STRA8: variants seen among roughly 807,000 people sequenced by gnomAD.
The protein encoded by STRA8 is stimulated by retinoic acid gene 8 protein homolog.
In STRA8, 18 loss-of-function variants were observed where a neutral mutation model predicts 37.1. That is an observed-to-expected ratio of 0.48 (90% CI 0.34 to 0.72). STRA8 has a LOEUF of 0.72. Ranked by LOEUF, STRA8 falls within the 30% of genes least tolerant of loss-of-function variation. STRA8 has a pLI of 0.01. For synonymous variants in STRA8, 168 were observed against 162.9 expected, an observed-to-expected ratio of 1.03 and a Z score of -0.24; for missense variants, 357 against 410.4, an observed-to-expected ratio of 0.87 and a Z score of 1.13.
chr7:135,246,137 C>T lies in STRA8; in HGVS notation c.594-280C>T, dbSNP rs1585474602. On this transcript the variant is annotated intron_variant, in intron 5 of 8. Coordinates refer to ENST00000662584, the MANE Select transcript of STRA8 (RefSeq NM_001394401.1). The surrounding 1 kb of genome is among the most constrained non-coding windows in gnomAD (Gnocchi z 5.4). The stretch of plus-strand genomic sequence containing the variant: ...CTTAGGATGAGAGCTGAGGCAGCTA[C>T]GCCTCTTATCTGCTTCTGTCTAACA... 2 of 500,360 alleles carry T rather than the reference C, an allele frequency of 4.0e-6. No homozygotes were observed. The highest frequency in any genetic ancestry group is 3.6e-6 in the Non-Finnish European group (1 of 279,302). 31.0% of individuals were successfully genotyped at this position (500,360 alleles called of 1,614,324 possible).
At chr7:135,232,717 A>ACG (rs1832311620), upstream of STRA8, among the ~76,000 whole-genome samples, 1 of 152,164 alleles carries the variant, frequency 6.6e-6, no homozygotes, top group African/African-American at 2.4e-5. Context: ...TATGTGGGAC[A>ACG]TCATCTCACT....
intron 7 of STRA8, 25 bp downstream of exon 7, chr7:135,251,894 A>T: frequency 6.2e-7 from 1 of 1,610,554 alleles, no homozygotes; most frequent in Non-Finnish European, 8.5e-7. Flanking sequence ...GTGAGATAGC[A>T]TGTGCCCCTG....
intron 7 of STRA8, among the ~76,000 whole-genome samples, chr7:135,253,502 C>G (rs1193933981): frequency 6.6e-6 from 1 of 152,094 alleles, no homozygotes; most frequent in East Asian, 1.9e-4. Context: ...AGGCATGGGC[C>G]CTGAGTTTAG....
chr7:135,245,583 G>A (rs1451510943), intron 5 of STRA8, among the ~76,000 whole-genome samples, 56 bp downstream of exon 5: 2 of 152,212 alleles, frequency 1.3e-5, no homozygotes, highest in Admixed American at 1.3e-4. Flanking sequence ...CTCCCATGGG[G>A]AAGGGGACAG....
chr7:135,258,566 G>T lies in STRA8; in HGVS notation c.*74G>T. ...CCAAGGTTGAATGCTGGCAGCTAAG[G>T]TTGCACCTGCCTTGGCCTCCAGGAC... On this transcript the variant is annotated 3_prime_UTR_variant, in exon 9 of 9. Coordinates refer to ENST00000662584, the MANE Select transcript of STRA8 (RefSeq NM_001394401.1). 1.5e-6 allele frequency: 2 copies of T among 1,326,956 alleles called. No individual in the cohort carries two copies. Among genetic ancestry groups the T allele is most frequent in the Non-Finnish European group, 2.1e-6 (2 of 948,436 alleles). The allele number at this position is 1,326,956 out of a possible 1,614,324, so 82.2% of individuals were successfully genotyped here.
intron 2 of STRA8, among the ~76,000 whole-genome samples, chr7:135,242,197 GGGGA>G (rs1039774831): frequency 9.9e-5 from 12 of 121,694 alleles, no homozygotes; most frequent in Admixed American, 6.4e-4. Flanking sequence ...AGGAAGGAAG[GGGGA>G]GGGAGGGAGG....
At chr7:135,236,231 G>C (rs1318150891) in intron 1 of STRA8, among the ~76,000 whole-genome samples, 1 of 151,642 alleles carries the variant, frequency 6.6e-6, no homozygotes, top group Non-Finnish European at 1.5e-5. Flanking sequence ...GACCAGCCTG[G>C]GCAACATAGT....
In STRA8 at chr7:135,240,659, G is replaced by T. The variant is rs7805859; in HGVS notation, c.135G>T (p.Ala45=). 2.5e-6 allele frequency: 4 copies of T among 1,613,822 alleles called. No homozygotes were observed. Among genetic ancestry groups the T allele is most frequent in the Middle Eastern group, 1.6e-4 (1 of 6,062 alleles). ...SQARHRATLA[A]LFNNLRKTVY... Reference sequence around the variant, plus strand: ...CCCGCCACCGAGCCACCCTGGCAGCGCTCTTCAACAACCTCAGGAAGACAG... The same window carrying T: ...CCCGCCACCGAGCCACCCTGGCAGCTCTCTTCAACAACCTCAGGAAGACAG... Residue 45 remains alanine (A), a synonymous_variant, in exon 2 of 9, where the codon GCG becomes GCT. Transcript: ENST00000662584.
chr7:135,245,905 A>G (rs2117805107), intron 5 of STRA8, among the ~76,000 whole-genome samples: 1 of 152,284 alleles, frequency 6.6e-6, no homozygotes, highest in South Asian at 2.1e-4. Context: ...ACAGTAGGAA[A>G]GATGGCGAAT....
rs1832568661 is a variant in STRA8, at chr7:135,246,929, C to G, written c.879+227C>G. 1 of 500,542 alleles carries G rather than the reference C, an allele frequency of 2.0e-6. No individual in the cohort carries two copies. Among genetic ancestry groups the G allele is most frequent in the Non-Finnish European group, 3.4e-6 (1 of 290,984 alleles). 31.0% of individuals were successfully genotyped at this position (500,542 alleles called of 1,614,324 possible). A position where few individuals can be genotyped will look rare whatever the true frequency, so the allele number is the denominator to read the frequency against. On this transcript the variant is annotated intron_variant, in intron 6 of 8. Transcript: ENST00000662584. The surrounding 1 kb of genome is among the most constrained non-coding windows in gnomAD (Gnocchi z 5.4). ...GCGCGATCTCGGCTCACTGCAAGCT[C>G]TGGCTCCCGGGTTCACCTCATTCTC...
intron 1 of STRA8, among the ~76,000 whole-genome samples, chr7:135,237,134 TG>T (rs913254122): frequency 2.0e-5 from 3 of 152,082 alleles, no homozygotes; most frequent in Non-Finnish European, 2.9e-5. Flanking sequence ...GTATTATAGA[TG>T]GAAGAAGGGG....
In STRA8 at chr7:135,240,609, G is replaced by A; in HGVS notation, c.85G>A (p.Val29Met). The part of the protein sequence containing the change: ...PAQLQELEHR[V>M]ARRRLSQARH... ...ACAGCTGCAGGAGCTTGAGCATCGG[G>A]TGGCCCGGAGACGGCTGTCCCAGGC... Residue 29 changes from valine to methionine, a missense_variant, in exon 2 of 9, where the codon GTG becomes ATG. Coordinates refer to ENST00000662584, the MANE Select transcript of STRA8 (RefSeq NM_001394401.1). The A allele has an allele frequency of 1.9e-6, 3 of 1,614,188 alleles. No homozygotes were observed. Among genetic ancestry groups the A allele is most frequent in the Non-Finnish European group, 2.5e-6 (3 of 1,180,042 alleles).
chr7:135,231,993 T>C (rs1832299849), upstream of STRA8: 1 of 1,614,026 alleles, frequency 6.2e-7, no homozygotes, highest in African/African-American at 1.3e-5. Context: ...GGAAGATTGA[T>C]GTGGACAAGA....
intron 8 of STRA8, 77 bp from the exon 9 acceptor site, chr7:135,258,341 T>C: frequency 8.2e-7 from 1 of 1,225,644 alleles, no homozygotes; most frequent in Non-Finnish European, 1.2e-6. Context: ...ACACCGGAGA[T>C]GCAGGAGCCT....
chr7:135,237,859 T>A (rs1415505072), intron 1 of STRA8, among the ~76,000 whole-genome samples: 1 of 150,350 alleles, frequency 6.7e-6, no homozygotes, highest in African/African-American at 2.5e-5. Context: ...GCCACTGCAC[T>A]CCAACCCAGG....
At chr7:135,256,310 T>G (rs569531927) in intron 8 of STRA8, among the ~76,000 whole-genome samples, 1 of 152,354 alleles carries the variant, frequency 6.6e-6, no homozygotes, top group Non-Finnish European at 1.5e-5. Context: ...GTGGAGCCCT[T>G]CCTTGCAGTT....
rs117427728 is a variant in STRA8, at chr7:135,245,417, A to G, written c.483A>G (p.Glu161=). 3.8e-4 allele frequency: 271 copies of G among 719,622 alleles called. 2 individuals carry two copies. Among genetic ancestry groups the G allele is most frequent in the African/African-American group, 1.9e-3 (111 of 57,386 alleles). The allele number at this position is 719,622 out of a possible 1,614,324, so 44.6% of individuals were successfully genotyped here. A position where few individuals can be genotyped will look rare whatever the true frequency, so the allele number is the denominator to read the frequency against. Residue 161 remains glutamate, a synonymous_variant, in exon 5 of 9, where the codon GAA becomes GAG. Transcript: ENST00000662584. ...AAGAAGAAGAGGAGGAGGAAGAAGAAGAGGAGGAGGAGGAAGAGGAGGAAG... is the reference window on the plus strand; with the variant it reads ...AAGAAGAAGAGGAGGAGGAAGAAGAGGAGGAGGAGGAGGAAGAGGAGGAAG... ...EDQEEEEEEE[E]EEEEEEEEEE... is the part of the protein sequence containing the mutation.
At chr7:135,238,064 G>T (rs1832404826) in intron 1 of STRA8, among the ~76,000 whole-genome samples, 2 of 152,310 alleles carry the variant, frequency 1.3e-5, no homozygotes, top group South Asian at 4.1e-4. Flanking sequence ...CAGGAGGCAG[G>T]ATCTAGAGGG....
upstream of STRA8, chr7:135,231,954 T>C (rs1041310284): frequency 3.7e-6 from 6 of 1,611,672 alleles, no homozygotes; most frequent in Non-Finnish European, 5.1e-6. Context: ...CCAGTGTTCA[T>C]GGCAGAGCCT....
Sources: gnomAD v4.1 joint callset for allele counts (sites outside exome capture counted in the v4.1 genomes callset) on GRCh38, gnomAD v4.1.1 for gene constraint, Gnocchi (gnomAD v3.1) non-coding constraint, MANE v1.5 for transcripts, NCBI Gene and HGNC (gene_info 2026-07-23, HGNC 2026-07-21) for gene names.